OMA1: variants seen among roughly 807,000 people sequenced by gnomAD.
OMA1 encodes OMA1 zinc metallopeptidase.
A neutral mutation model predicts 30.9 loss-of-function variants in OMA1; 38 were observed. That is an observed-to-expected ratio of 1.23 (90% confidence interval 0.95 to 1.61). The LOEUF is 1.61. Among genes scored for constraint, OMA1 ranks in the 40% most tolerant of loss-of-function variants. The probability of loss-of-function intolerance (pLI) is 0.00; values close to 1 mark genes in which losing one functional copy is unlikely to be tolerated. For missense variants in OMA1, 461 were observed against 349.2 expected (o/e 1.32, Z -2.55); for synonymous variants, 173 against 121.9 (o/e 1.42, Z -2.76).
At chr1:58,530,419 CTTAAT>C (rs150916150) in intron 6 of OMA1, among the ~76,000 whole-genome samples, 177 bp downstream of exon 6, 60 of 152,244 alleles carry the variant, frequency 3.9e-4, no homozygotes, top group African/African-American at 1.4e-3. Flanking sequence ...TGTAGTATTC[CTTAAT>C]TTAAATATTC....
At position 58,480,980 on chromosome 1, in the gene OMA1, T is replaced by C. The variant is rs1341287924; in HGVS notation, c.1560A>G (p.Lys520=). ...EQIPLTYIVE[K]RTGS ...AAATTTTAATTCAACTGCCCGTTCT[T>C]TTCTCAACTATGTATGTTAATGGTA... is the stretch of plus-strand genomic sequence containing the variant. The change falls in exon 9 of 9, where the codon AAA becomes AAG. Residue 520 remains lysine, a synonymous_variant. Transcript: ENST00000371226. 6.9e-6 allele frequency: 6 copies of C among 867,098 alleles called. No individual in the cohort carries two copies. The South Asian group carries it at 7.9e-5, about 11-fold the overall frequency. The allele number at this position is 867,098 out of a possible 1,614,324, so 53.7% of individuals were successfully genotyped here. A position where few individuals can be genotyped will look rare whatever the true frequency, so the allele number is the denominator to read the frequency against.
At chr1:58,491,901 T>G (rs61781785) in intron 8 of OMA1, among the ~76,000 whole-genome samples, 11,464 of 152,234 alleles carry the variant, frequency 0.075, 459 homozygotes, top group Middle Eastern at 0.16. Flanking sequence ...AACTCAGCTC[T>G]GCACCAAGTG....
At chr1:58,546,094 T>C (rs575298162) in intron 1 of OMA1, among the ~76,000 whole-genome samples, 1 of 152,352 alleles carries the variant, frequency 6.6e-6, no homozygotes, top group South Asian at 2.1e-4. Context: ...ACAGGCGACA[T>C]TTAAACAGTA....
intron 8 of OMA1, among the ~76,000 whole-genome samples, chr1:58,488,617 A>G (rs1352189079): frequency 1.3e-5 from 2 of 151,662 alleles, no homozygotes; most frequent in African/African-American, 4.9e-5. Context: ...ATGTCTCGCT[A>G]ATTTTTGTAT....
At chr1:58,539,746 G>C (rs948225715) in intron 1 of OMA1, among the ~76,000 whole-genome samples, 10 of 152,188 alleles carry the variant, frequency 6.6e-5, no homozygotes, top group Non-Finnish European at 8.8e-5. Context: ...ATCCCTAACA[G>C]ATGGGAAACA....
chr1:58,530,968 G>A lies in OMA1; in HGVS notation c.1012-239C>T, dbSNP rs1311767577. Among the ~76,000 whole-genome samples the A allele has an allele frequency of 2.0e-5, 3 of 152,044 alleles. No individual in the cohort carries two copies. In the South Asian group the frequency reaches 6.2e-4, roughly 31 times the overall value. On this transcript the variant is annotated intron_variant, in intron 5 of 8. Transcript: ENST00000371226. ...CTAAGCCACTTACTATTAGTCAGAG[G>A]ATATAAACCTACAATTTCTTATATT... is the stretch of plus-strand genomic sequence containing the variant.
intron 8 of OMA1, among the ~76,000 whole-genome samples, chr1:58,493,532 C>T (rs1376501479): frequency 6.6e-6 from 1 of 151,356 alleles, no homozygotes; most frequent in East Asian, 1.9e-4. Context: ...CGTCTCAGCC[C>T]AAAATCTCCT....
intron 8 of OMA1, among the ~76,000 whole-genome samples, chr1:58,490,926 C>T (rs1645674139): frequency 6.7e-6 from 1 of 150,068 alleles, no homozygotes; most frequent in South Asian, 2.1e-4. Flanking sequence ...CTGCCTCAGC[C>T]TTCCGAGTAG....
At chr1:58,492,408 C>G (rs1410422676) in intron 8 of OMA1, among the ~76,000 whole-genome samples, 1 of 147,090 alleles carries the variant, frequency 6.8e-6, no homozygotes, top group African/African-American at 2.5e-5. Context: ...AAGAAAATAA[C>G]TAAGATCAGA....
At chr1:58,484,344 T>C (rs983040594) in intron 8 of OMA1, among the ~76,000 whole-genome samples, 1 of 152,346 alleles carries the variant, frequency 6.6e-6, no homozygotes, top group South Asian at 2.1e-4. Flanking sequence ...AATAGAATGA[T>C]CTGATCAAAG....
intron 5 of OMA1, among the ~76,000 whole-genome samples, chr1:58,530,949 CACTT>C (rs1274317207): frequency 1.1e-4 from 16 of 152,072 alleles, no homozygotes; most frequent in Admixed American, 9.8e-4. Context: ...TCTACTAAGC[CACTT>C]ACTATTAGTC....
intron 8 of OMA1, among the ~76,000 whole-genome samples, chr1:58,500,234 T>C (rs1459212923): frequency 2.0e-5 from 3 of 152,174 alleles, no homozygotes; most frequent in Non-Finnish European, 4.4e-5. Flanking sequence ...GCTTCCTGGC[T>C]TTATATGATT....
At chr1:58,505,054 G>A (rs1301079077) in intron 8 of OMA1, among the ~76,000 whole-genome samples, 1 of 152,056 alleles carries the variant, frequency 6.6e-6, no homozygotes, top group East Asian at 1.9e-4. Context: ...CAGGGTTCAA[G>A]CGATTCCCCT....
chr1:58,487,835 TATTA>T (rs66476428), intron 8 of OMA1, among the ~76,000 whole-genome samples: 8,515 of 152,222 alleles, frequency 0.056, 304 homozygotes, highest in Non-Finnish European at 0.088. Flanking sequence ...TGACCTGAGC[TATTA>T]ATTAACATTA....
intron 8 of OMA1, among the ~76,000 whole-genome samples, chr1:58,490,632 CA>C (rs1171919620): frequency 6.6e-6 from 1 of 151,872 alleles, no homozygotes; most frequent in Non-Finnish European, 1.5e-5. Context: ...CTCCAAGACA[CA>C]TAATTGTCAG....
intron 8 of OMA1, among the ~76,000 whole-genome samples, chr1:58,481,784 T>C (rs1645488116): frequency 6.6e-6 from 1 of 152,098 alleles, no homozygotes; most frequent in Non-Finnish European, 1.5e-5. Flanking sequence ...GATCTGATGG[T>C]TTTATAAAGG....
intron 8 of OMA1, among the ~76,000 whole-genome samples, chr1:58,485,635 T>C (rs951160480): frequency 3.3e-5 from 5 of 152,104 alleles, no homozygotes; most frequent in Non-Finnish European, 7.4e-5. Context: ...ATTCATTTTA[T>C]ATATTTCAGG....
intron 8 of OMA1, among the ~76,000 whole-genome samples, chr1:58,482,159 G>A (rs1464195042): frequency 6.6e-6 from 1 of 152,202 alleles, no homozygotes; most frequent in Non-Finnish European, 1.5e-5. Flanking sequence ...ATCATACTGA[G>A]AAGGGGAGAG....
At chr1:58,533,155 T>C (rs1397305168) in intron 5 of OMA1, among the ~76,000 whole-genome samples, 1 of 152,202 alleles carries the variant, frequency 6.6e-6, no homozygotes, top group Non-Finnish European at 1.5e-5. Flanking sequence ...AGATGTGTTA[T>C]TTTTCCTGGA....
Sources: gnomAD v4.1 joint callset for allele counts (sites outside exome capture counted in the v4.1 genomes callset) on GRCh38, gnomAD v4.1.1 for gene constraint, MANE v1.5 for transcripts, NCBI Gene and HGNC (gene_info 2026-07-23, HGNC 2026-07-21) for gene names.